BTRC: variants seen among roughly 807,000 people sequenced by gnomAD.
BTRC encodes beta-transducin repeat containing E3 ubiquitin protein ligase.
BTRC carries 42 observed loss-of-function variants against 85.5 expected under a neutral mutation model. The observed-to-expected ratio is 0.49, with a 90% CI of 0.38 to 0.64. BTRC has a LOEUF of 0.64. Among genes scored for constraint, BTRC ranks in the 30% least tolerant of loss-of-function variants. The pLI is 0.00. For synonymous variants in BTRC, 255 were observed against 263.3 expected, an observed-to-expected ratio of 0.97 and a Z score of 0.30; for missense variants, 594 against 743.5, an observed-to-expected ratio of 0.80 and a Z score of 2.34.
chr10:101,370,617 C>G (rs548025920), intron 1 of BTRC, among the ~76,000 whole-genome samples: 1 of 151,446 alleles, frequency 6.6e-6, no homozygotes, highest in African/African-American at 2.4e-5. Flanking sequence ...CCCTCCCTCC[C>G]TCCCTCCCTT....
chr10:101,400,932 A>G (rs1943478403), intron 1 of BTRC, among the ~76,000 whole-genome samples: 1 of 152,164 alleles, frequency 6.6e-6, no homozygotes, highest in Non-Finnish European at 1.5e-5. Context: ...AAATATCAAA[A>G]GCTGAATCTT....
chr10:101,426,304 T>C (rs1371419810), intron 1 of BTRC, among the ~76,000 whole-genome samples: 1 of 152,238 alleles, frequency 6.6e-6, no homozygotes. Context: ...AATTGAGCCA[T>C]AATATATAAA....
At chr10:101,407,733 T>TC (rs1440649771) in intron 1 of BTRC, among the ~76,000 whole-genome samples, 6 of 151,092 alleles carry the variant, frequency 4.0e-5, no homozygotes, top group African/African-American at 1.5e-4. Flanking sequence ...TTTTTCTTTT[T>TC]TTTTTTTTGT....
intron 4 of BTRC, among the ~76,000 whole-genome samples, chr10:101,484,746 T>G (rs1322000170): frequency 6.6e-6 from 1 of 152,184 alleles, no homozygotes; most frequent in Non-Finnish European, 1.5e-5. Context: ...TTGGAAAAAC[T>G]GTGGAGTATA....
intron 3 of BTRC, among the ~76,000 whole-genome samples, chr10:101,473,465 C>CTTTT (rs869163139): frequency 8.2e-4 from 79 of 96,740 alleles, no homozygotes; most frequent in African/African-American, 1.8e-3. Flanking sequence ...TCTTTTTTCT[C>CTTTT]TTTTTTTTTT....
chr10:101,419,115 A>C (rs996639347), intron 1 of BTRC, among the ~76,000 whole-genome samples: 2 of 151,664 alleles, frequency 1.3e-5, no homozygotes, highest in African/African-American at 2.4e-5. Context: ...GGTTCTGGCA[A>C]TTCTCCTGCC....
At chr10:101,363,049 T>C (rs2134485013) in intron 1 of BTRC, among the ~76,000 whole-genome samples, 1 of 152,344 alleles carries the variant, frequency 6.6e-6, no homozygotes. Context: ...ACCAGTTCCC[T>C]GCAGCTATGG....
intron 2 of BTRC, among the ~76,000 whole-genome samples, chr10:101,433,990 A>C (rs182457142): frequency 5.5e-4 from 84 of 152,316 alleles, no homozygotes; most frequent in African/African-American, 1.8e-3. Flanking sequence ...AATTCACCTA[A>C]AGACTATAAT....
In BTRC at chr10:101,531,698, A is replaced by G. The variant is rs568530294; in HGVS notation, c.840+365A>G. On this transcript the variant is annotated intron_variant, in intron 7 of 14. Transcript: ENST00000370187. ...ATCGCACCACTGCACTCCCTCCTGA[A>G]CGACAGAGCGAGACTCCATCAAAAA... is the stretch of plus-strand genomic sequence containing the variant. 1.0e-3 allele frequency among the ~76,000 whole-genome samples: 153 copies of G among 151,342 alleles called. 1 individual carries two copies. Among genetic ancestry groups the G allele is most frequent in the Non-Finnish European group, 1.9e-3 (132 of 67,756 alleles).
chr10:101,452,084 A>G (rs867471901), intron 2 of BTRC, among the ~76,000 whole-genome samples: 40 of 152,308 alleles, frequency 2.6e-4, no homozygotes, highest in African/African-American at 9.6e-4. Flanking sequence ...ATCTCAGTAA[A>G]TTATGATCCT....
At chr10:101,504,438 T>C (rs1946467445) in intron 4 of BTRC, among the ~76,000 whole-genome samples, 1 of 151,444 alleles carries the variant, frequency 6.6e-6, no homozygotes, top group South Asian at 2.1e-4. Context: ...CCTGTAGCCA[T>C]CTCCCTCCAT....
intron 1 of BTRC, among the ~76,000 whole-genome samples, chr10:101,419,099 C>A (rs377413497): frequency 6.6e-6 from 1 of 152,028 alleles, no homozygotes; most frequent in South Asian, 2.1e-4. Context: ...CAACCTCTGC[C>A]TCCCAGGTTC....
intron 1 of BTRC, among the ~76,000 whole-genome samples, chr10:101,382,293 T>C (rs554001302): frequency 1.3e-5 from 2 of 152,204 alleles, no homozygotes; most frequent in East Asian, 3.9e-4. Context: ...CCTAAGAATG[T>C]CTTTTACAGC....
chr10:101,405,576 A>G (rs1272362298), intron 1 of BTRC, among the ~76,000 whole-genome samples: 1 of 152,228 alleles, frequency 6.6e-6, no homozygotes, highest in Non-Finnish European at 1.5e-5. Context: ...ATACTGGAGG[A>G]ATAATAAAAA....
chr10:101,443,880 C>A (rs1032171311), intron 2 of BTRC, among the ~76,000 whole-genome samples: 1 of 152,170 alleles, frequency 6.6e-6, no homozygotes, highest in Non-Finnish European at 1.5e-5. Flanking sequence ...TCACAGAGTA[C>A]CTTTTATTTG....
chr10:101,410,443 C>T (rs545089151), intron 1 of BTRC, among the ~76,000 whole-genome samples: 111 of 152,096 alleles, frequency 7.3e-4, no homozygotes, highest in African/African-American at 2.5e-3. Flanking sequence ...GGTGAAACCC[C>T]GTCTCTACTA....
intron 1 of BTRC, among the ~76,000 whole-genome samples, chr10:101,424,181 C>G (rs973041686): frequency 6.6e-6 from 1 of 152,024 alleles, no homozygotes; most frequent in Non-Finnish European, 1.5e-5. Flanking sequence ...TTGCAGTGAG[C>G]CGAGATCATG....
At chr10:101,434,347 T>G (rs1325543793) in intron 2 of BTRC, among the ~76,000 whole-genome samples, 5 of 152,220 alleles carry the variant, frequency 3.3e-5, no homozygotes, top group Non-Finnish European at 7.3e-5. Flanking sequence ...GGTCTCAGTT[T>G]TTTTCAATAA....
At chr10:101,372,131 ACT>A (rs1298629277) in intron 1 of BTRC, among the ~76,000 whole-genome samples, 2 of 152,028 alleles carry the variant, frequency 1.3e-5, no homozygotes, top group South Asian at 4.2e-4. Flanking sequence ...CCAATACCAC[ACT>A]GTCTTAATTT....
Sources: gnomAD v4.1 joint callset for allele counts (sites outside exome capture counted in the v4.1 genomes callset) on GRCh38, gnomAD v4.1.1 for gene constraint, MANE v1.5 for transcripts, NCBI Gene and HGNC (gene_info 2026-07-23, HGNC 2026-07-21) for gene names.